The following CENPW variants were observed in gnomAD, a reference collection of about 807,000 sequenced individuals.
CENPW encodes the protein cancer-up-regulated gene 2 protein.
Under a neutral mutation model 11.1 loss-of-function variants are expected in CENPW, and 3 were observed. That is an observed-to-expected ratio of 0.27 (90% CI 0.12 to 0.70). The LOEUF is 0.70. Among genes scored for constraint, CENPW ranks in the 30% least tolerant of loss-of-function variants. The pLI, the probability that CENPW is intolerant of heterozygous loss-of-function variation, is 0.77. For missense variants in CENPW, 100 were observed against 105.6 expected, an observed-to-expected ratio of 0.95 and a Z score of 0.23; for synonymous variants, 38 against 42.0, an observed-to-expected ratio of 0.91 and a Z score of 0.37.
the CENPW span, among the ~76,000 whole-genome samples, chr6:126,477,000 C>A: frequency 2.6e-5 from 4 of 151,862 alleles, no homozygotes; most frequent in Non-Finnish European, 4.4e-5. Context: ...AGGAAATATA[C>A]TTCATTAAAA....
the CENPW span, among the ~76,000 whole-genome samples, chr6:126,393,369 C>T: frequency 1.3e-5 from 2 of 151,396 alleles, no homozygotes; most frequent in East Asian, 1.9e-4. Context: ...TTAAGATGCA[C>T]TGTTAGGTTA....
At chr6:126,427,719 A>G in the CENPW span, among the ~76,000 whole-genome samples, 7 of 152,234 alleles carry the variant, frequency 4.6e-5, no homozygotes, top group African/African-American at 1.7e-4. Context: ...TGCAACTAAC[A>G]AAGTATTCAA....
At chr6:126,456,289 C>T in the CENPW span, among the ~76,000 whole-genome samples, 2 of 151,440 alleles carry the variant, frequency 1.3e-5, no homozygotes, top group Non-Finnish European at 3.0e-5. Context: ...TGTCATGTTA[C>T]CTGACTTCAA....
At chr6:126,444,711 A>T in the CENPW span, among the ~76,000 whole-genome samples, 1 of 150,994 alleles carries the variant, frequency 6.6e-6, no homozygotes, top group Non-Finnish European at 1.5e-5. Context: ...TATCTGTTTT[A>T]TGGGATGTTT....
At chr6:126,456,384 C>T in the CENPW span, among the ~76,000 whole-genome samples, 1 of 151,304 alleles carries the variant, frequency 6.6e-6, no homozygotes, top group Non-Finnish European at 1.5e-5. Flanking sequence ...GAATAGCGTG[C>T]CCAGAAATGA....
the CENPW span, among the ~76,000 whole-genome samples, chr6:126,386,692 C>G: frequency 8.4e-6 from 1 of 119,052 alleles, no homozygotes; most frequent in African/African-American, 2.5e-5. Context: ...TTTTTTTATT[C>G]AACACCCTTT....
the CENPW span, among the ~76,000 whole-genome samples, chr6:126,415,390 T>G: frequency 1.3e-4 from 20 of 152,174 alleles, no homozygotes; most frequent in Admixed American, 1.2e-3. Context: ...GTGTGCTGAA[T>G]AAATATTATT....
At chr6:126,402,342 T>C in the CENPW span, among the ~76,000 whole-genome samples, 2 of 151,804 alleles carry the variant, frequency 1.3e-5, no homozygotes, top group Admixed American at 1.3e-4. Flanking sequence ...TCTCCATCTT[T>C]CTTCTCCTGC....
chr6:126,475,549 T>C, the CENPW span, among the ~76,000 whole-genome samples: 1 of 152,044 alleles, frequency 6.6e-6, no homozygotes, highest in African/African-American at 2.4e-5. Flanking sequence ...ATAACCTAGG[T>C]AAAATATTTG....
At chr6:126,483,319 T>A in the CENPW span, among the ~76,000 whole-genome samples, 1 of 151,938 alleles carries the variant, frequency 6.6e-6, no homozygotes, top group Non-Finnish European at 1.5e-5. Flanking sequence ...TAATTGATAT[T>A]ATTTCCTTAT....
At chr6:126,351,122 C>G (rs1717326147), downstream of CENPW, among the ~76,000 whole-genome samples, 1 of 145,734 alleles carries the variant, frequency 6.9e-6, no homozygotes, top group Non-Finnish European at 1.5e-5. Flanking sequence ...CTGAAACAGG[C>G]AAGGTGGAGG....
chr6:126,344,422 A>T (rs1226995296), intron 1 of CENPW, among the ~76,000 whole-genome samples: 1 of 152,184 alleles, frequency 6.6e-6, no homozygotes, highest in Non-Finnish European at 1.5e-5. Flanking sequence ...TTCCCAGTCA[A>T]GTGGGATTTA....
At chr6:126,437,224 A>G in the CENPW span, among the ~76,000 whole-genome samples, 1 of 151,996 alleles carries the variant, frequency 6.6e-6, no homozygotes, top group Non-Finnish European at 1.5e-5. Context: ...GCCTGGCATG[A>G]AAAAAGGAAG....
At chr6:126,405,359 C>A in the CENPW span, among the ~76,000 whole-genome samples, 6 of 151,836 alleles carry the variant, frequency 4.0e-5, no homozygotes, top group African/African-American at 1.2e-4. Context: ...GTCTTATTGG[C>A]CTATGTTTCT....
At chr6:126,375,599 A>G in the CENPW span, among the ~76,000 whole-genome samples, 1 of 151,650 alleles carries the variant, frequency 6.6e-6, no homozygotes, top group East Asian at 1.9e-4. Flanking sequence ...TTTTTCCCTA[A>G]TTCAGTGTAA....
chr6:126,439,214 C>T, the CENPW span, among the ~76,000 whole-genome samples: 1 of 151,692 alleles, frequency 6.6e-6, no homozygotes, highest in East Asian at 1.9e-4. Context: ...TCTATAGTTT[C>T]TCCAAAGTAT....
At chr6:126,405,488 C>T in the CENPW span, among the ~76,000 whole-genome samples, 1 of 151,864 alleles carries the variant, frequency 6.6e-6, no homozygotes, top group Admixed American at 6.6e-5. Context: ...CTATTTGAGG[C>T]CTTTTATACT....
chr6:126,357,404 CTGTT>C, the CENPW span, among the ~76,000 whole-genome samples: 81 of 152,016 alleles, frequency 5.3e-4, 3 homozygotes, highest in South Asian at 0.016. Context: ...GTTGCTTTGG[CTGTT>C]TGTGTTCTTT....
chr6:126,347,082 G>T (rs1780426028), intron 2 of CENPW, among the ~76,000 whole-genome samples: 1 of 152,172 alleles, frequency 6.6e-6, no homozygotes, highest in African/African-American at 2.4e-5. Context: ...TCCAAATGAT[G>T]TTAATCAAGG....
Sources: gnomAD v4.1 joint callset for allele counts (sites outside exome capture counted in the v4.1 genomes callset) on GRCh38, gnomAD v4.1.1 for gene constraint, MANE v1.5 for transcripts, NCBI Gene and HGNC (gene_info 2026-07-23, HGNC 2026-07-21) for gene names.